The following SH2D4B variants were observed in gnomAD, a reference collection of about 807,000 sequenced individuals.
The protein encoded by SH2D4B is SH2 domain containing 4B, also known as SH2 domain-containing protein 4B.
A neutral mutation model predicts 61.5 loss-of-function variants in SH2D4B; 45 were observed. The observed-to-expected ratio is 0.73, with a 90% CI of 0.58 to 0.94. SH2D4B has a LOEUF of 0.94. Ranked by LOEUF, SH2D4B falls within the 40% of genes least tolerant of loss-of-function variation. SH2D4B has a pLI of 0.00. For missense variants in SH2D4B, 572 were observed against 574.2 expected (o/e 1.00, Z 0.04); for synonymous variants, 224 against 220.4 (o/e 1.02, Z -0.14).
chr10:80,555,115 ATTAATTCCACTCATATGTAG>A (rs879489551), intron 1 of SH2D4B, among the ~76,000 whole-genome samples: 2 of 152,138 alleles, frequency 1.3e-5, no homozygotes, highest in African/African-American at 4.8e-5. Context: ...ACAGCATGTA[ATTAATTCCACTCATATGTAG>A]CAAGGACCTA....
chr10:80,554,747 C>T lies in SH2D4B; in HGVS notation c.185-15407C>T, dbSNP rs1035934625. Among the ~76,000 whole-genome samples, 3 of 152,106 alleles carry T rather than the reference C, an allele frequency of 2.0e-5. No individual in the cohort carries two copies. In the East Asian group the frequency reaches 5.8e-4, roughly 29 times the overall value. On this transcript the variant is annotated intron_variant, in intron 1 of 7. Coordinates refer to ENST00000646907, the MANE Select transcript of SH2D4B (RefSeq NM_001388272.1). ...TAAAATGGCTGGGCGCGGTGGCTTA[C>T]GCCTGTAATCTCAGCACTTTGGGAG...
intron 7 of SH2D4B, among the ~76,000 whole-genome samples, chr10:80,635,813 T>C (rs969597183): frequency 5.9e-5 from 9 of 152,212 alleles, no homozygotes; most frequent in Non-Finnish European, 1.3e-4. Flanking sequence ...ATTTTTTAAA[T>C]TATACTTTAG....
At chr10:80,595,252 A>C (rs1242358476) in intron 4 of SH2D4B, among the ~76,000 whole-genome samples, 1 of 152,154 alleles carries the variant, frequency 6.6e-6, no homozygotes, top group African/African-American at 2.4e-5. Flanking sequence ...CAATGCCAGC[A>C]CAGTGCAGTG....
intron 1 of SH2D4B, among the ~76,000 whole-genome samples, chr10:80,556,481 C>A (rs1466657109): frequency 1.3e-5 from 2 of 152,128 alleles, no homozygotes. Context: ...CTGTAAAAAG[C>A]TTTCTGGGAA....
chr10:80,541,487 C>T (rs1315276861), intron 1 of SH2D4B, among the ~76,000 whole-genome samples: 2 of 152,140 alleles, frequency 1.3e-5, no homozygotes, highest in African/African-American at 2.4e-5. Context: ...TTTGCTGGCC[C>T]CTTGGGATCC....
intron 1 of SH2D4B, among the ~76,000 whole-genome samples, chr10:80,547,024 GATTT>G (rs1841689290): frequency 6.6e-6 from 1 of 152,106 alleles, no homozygotes; most frequent in Non-Finnish European, 1.5e-5. Flanking sequence ...CATCTCTCAA[GATTT>G]ATTTTTTATG....
At chr10:80,641,640 G>A (rs1258369128) in intron 7 of SH2D4B, among the ~76,000 whole-genome samples, 4 of 152,236 alleles carry the variant, frequency 2.6e-5, no homozygotes, top group African/African-American at 9.6e-5. Context: ...CATATTGTTT[G>A]CTTTTCCTGT....
intron 3 of SH2D4B, among the ~76,000 whole-genome samples, chr10:80,579,381 C>T (rs1842163743): frequency 6.6e-6 from 1 of 152,156 alleles, no homozygotes; most frequent in East Asian, 1.9e-4. Context: ...AATTTACATG[C>T]ATATAAAAGT....
intron 6 of SH2D4B, among the ~76,000 whole-genome samples, chr10:80,630,976 A>C (rs1199815540): frequency 1.3e-5 from 2 of 152,186 alleles, no homozygotes; most frequent in Non-Finnish European, 2.9e-5. Flanking sequence ...TAACATCGTC[A>C]CTTTGGTATT....
At chr10:80,563,940 T>C (rs1841937244) in intron 1 of SH2D4B, among the ~76,000 whole-genome samples, 2 of 152,344 alleles carry the variant, frequency 1.3e-5, no homozygotes, top group Admixed American at 6.5e-5. Flanking sequence ...AGAAAAATTG[T>C]CCTGGATTTC....
intron 1 of SH2D4B, among the ~76,000 whole-genome samples, chr10:80,557,466 T>C (rs1282478386): frequency 6.6e-6 from 1 of 152,132 alleles, no homozygotes; most frequent in African/African-American, 2.4e-5. Flanking sequence ...CTTCCTTAAA[T>C]GTTTGATGGA....
At chr10:80,570,030 A>G (rs1335767320) in intron 1 of SH2D4B, 124 bp from the exon 2 acceptor site, 1 of 1,222,128 alleles carries the variant, frequency 8.2e-7, no homozygotes, top group African/African-American at 1.5e-5. Context: ...TCTCTCTGGC[A>G]TTCTTTTTGT....
intron 7 of SH2D4B, among the ~76,000 whole-genome samples, chr10:80,638,920 T>C (rs180828788): frequency 2.2e-3 from 329 of 152,370 alleles, no homozygotes; most frequent in Middle Eastern, 6.8e-3. Context: ...CTTGTGGGCA[T>C]TTAGTGCTAT....
chr10:80,605,007 A>G (rs966905594), intron 5 of SH2D4B, among the ~76,000 whole-genome samples: 5 of 152,114 alleles, frequency 3.3e-5, no homozygotes, highest in Non-Finnish European at 1.5e-5. Context: ...GTTAGCCAGG[A>G]TGGTCTCGAT....
chr10:80,564,957 T>G (rs1176012332), intron 1 of SH2D4B, among the ~76,000 whole-genome samples: 1 of 152,218 alleles, frequency 6.6e-6, no homozygotes, highest in Non-Finnish European at 1.5e-5. Context: ...ACTCCAGGGA[T>G]GCCTCATGGT....
intron 4 of SH2D4B, among the ~76,000 whole-genome samples, chr10:80,596,829 A>G (rs1842390144): frequency 6.6e-6 from 1 of 152,192 alleles, no homozygotes; most frequent in Non-Finnish European, 1.5e-5. Context: ...TTTCCCTGCA[A>G]TGCTTCCTCC....
intron 3 of SH2D4B, among the ~76,000 whole-genome samples, chr10:80,586,505 G>A (rs12767850): frequency 0.015 from 2,297 of 152,026 alleles, 61 homozygotes; most frequent in African/African-American, 0.053. Context: ...CTACTCTGGT[G>A]GGGGCTTGGA....
intron 1 of SH2D4B, among the ~76,000 whole-genome samples, chr10:80,567,120 T>C (rs72805707): frequency 0.021 from 3,252 of 152,304 alleles, 45 homozygotes; most frequent in Middle Eastern, 0.048. Context: ...GGCTGCTTTT[T>C]TTCCGTGAAA....
chr10:80,615,580 T>G (rs1344203332), intron 6 of SH2D4B, among the ~76,000 whole-genome samples: 1 of 151,840 alleles, frequency 6.6e-6, no homozygotes, highest in East Asian at 1.9e-4. Flanking sequence ...CTGACCCAGC[T>G]TGAGGGAAAA....
Sources: gnomAD v4.1 joint callset for allele counts (sites outside exome capture counted in the v4.1 genomes callset) on GRCh38, gnomAD v4.1.1 for gene constraint, MANE v1.5 for transcripts, NCBI Gene and HGNC (gene_info 2026-07-23, HGNC 2026-07-21) for gene names.